Variants in BLTP1 observed in about 807,000 individuals in gnomAD.
The protein encoded by BLTP1 is fragile site-associated protein.
the BLTP1 span, among the ~76,000 whole-genome samples, chr4:122,181,019 G>T: frequency 1.3e-5 from 2 of 152,258 alleles, no homozygotes; most frequent in African/African-American, 4.8e-5. Flanking sequence ...TATTTATTCA[G>T]ATCCATATTC....
the BLTP1 span, among the ~76,000 whole-genome samples, chr4:122,340,040 A>C: frequency 4.6e-5 from 7 of 152,130 alleles, no homozygotes; most frequent in Non-Finnish European, 1.0e-4. Flanking sequence ...AATTTTATTG[A>C]ATACCTCTGA....
chr4:122,198,429 G>A, the BLTP1 span: 1 of 985,184 alleles, frequency 1.0e-6, no homozygotes, highest in African/African-American at 1.7e-5. Flanking sequence ...GCAGTTGAGA[G>A]TTTTACGCAA....
the BLTP1 span, chr4:122,196,575 T>G: frequency 7.3e-7 from 1 of 1,364,976 alleles, no homozygotes. Flanking sequence ...TTATGTTCCT[T>G]TATCAGAAGT....
chr4:122,216,047 G>GTA, the BLTP1 span, among the ~76,000 whole-genome samples: 40 of 151,562 alleles, frequency 2.6e-4, 2 homozygotes, highest in Admixed American at 2.6e-4. Context: ...GTATTCCATG[G>GTA]TATATATATG....
the BLTP1 span, chr4:122,333,901 A>G: frequency 6.9e-7 from 1 of 1,452,630 alleles, no homozygotes; most frequent in South Asian, 1.4e-5. Context: ...TCATTATATT[A>G]AAATGAGACT....
chr4:122,259,340 A>G, the BLTP1 span, among the ~76,000 whole-genome samples: 1 of 152,200 alleles, frequency 6.6e-6, no homozygotes, highest in Admixed American at 6.5e-5. Context: ...CTGACTGAAC[A>G]GGCTTTAACT....
chr4:122,186,039 C>G, the BLTP1 span: 1 of 1,570,926 alleles, frequency 6.4e-7, no homozygotes, highest in South Asian at 1.2e-5. Flanking sequence ...TCTTTAGATC[C>G]AAAGGCAGAA....
chr4:122,287,993 T>C, the BLTP1 span, among the ~76,000 whole-genome samples: 1 of 152,106 alleles, frequency 6.6e-6, no homozygotes, highest in African/African-American at 2.4e-5. Context: ...TATAAGTTTG[T>C]AACGAGGTGG....
the BLTP1 span, chr4:122,182,627 T>C: frequency 2.0e-6 from 2 of 985,182 alleles, no homozygotes; most frequent in African/African-American, 3.5e-5. Context: ...CATCTACCAT[T>C]CTGCTTCCTG....
At chr4:122,255,377 A>G in the BLTP1 span, 7 of 900,098 alleles carry the variant, frequency 7.8e-6, no homozygotes, top group Non-Finnish European at 1.2e-5. Context: ...GAGAATGGTT[A>G]GAAATACAAG....
chr4:122,353,837 A>G, the BLTP1 span: 1 of 1,611,598 alleles, frequency 6.2e-7, no homozygotes. This position sits in a 1 kb window ranked among gnomAD's most constrained non-coding sequence, Gnocchi z 4.3. Context: ...TTCTACATAT[A>G]TTGTACAAAC....
chr4:122,252,312 G>A, the BLTP1 span, among the ~76,000 whole-genome samples: 1 of 152,180 alleles, frequency 6.6e-6, no homozygotes, highest in South Asian at 2.1e-4. Context: ...TTAGATGCCA[G>A]CACAGCCACA....
chr4:122,175,840 C>T, the BLTP1 span: 15 of 1,544,964 alleles, frequency 9.7e-6, no homozygotes, highest in East Asian at 2.3e-5. Flanking sequence ...TTGTAATTTC[C>T]CTTTCTTAGG....
At chr4:122,336,943 A>G in the BLTP1 span, 5 of 1,612,460 alleles carry the variant, frequency 3.1e-6, no homozygotes, top group African/African-American at 1.3e-5. Flanking sequence ...GGAAGAATCA[A>G]CAACATCACT....
At chr4:122,175,058 T>G in the BLTP1 span, 1 of 946,252 alleles carries the variant, frequency 1.1e-6, no homozygotes, top group African/African-American at 1.8e-5. Context: ...ACTCTTAATT[T>G]TATTCAAAGA....
chr4:122,353,102 T>A, the BLTP1 span: 1 of 1,614,002 alleles, frequency 6.2e-7, no homozygotes, highest in Non-Finnish European at 8.5e-7. This position sits in a 1 kb window ranked among gnomAD's most constrained non-coding sequence, Gnocchi z 4.3. Flanking sequence ...CTTTTTCATT[T>A]AGAAGAACCA....
chr4:122,236,880 C>T, the BLTP1 span: 1 of 963,654 alleles, frequency 1.0e-6, no homozygotes, highest in Non-Finnish European at 1.2e-6. Flanking sequence ...GGAAATAACC[C>T]CTACATACGT....
chr4:122,153,461 ATAATG>A, the BLTP1 span, among the ~76,000 whole-genome samples: 2 of 152,320 alleles, frequency 1.3e-5, no homozygotes, highest in African/African-American at 2.4e-5. Flanking sequence ...AAACAATCCT[ATAATG>A]TAAAGTCTAC....
the BLTP1 span, among the ~76,000 whole-genome samples, chr4:122,198,873 A>G: frequency 4.7e-3 from 717 of 152,308 alleles, 13 homozygotes; most frequent in Non-Finnish European, 4.0e-3. Context: ...TAGTGTTCAT[A>G]GGAAGAGATT....
Sources: allele counts gnomAD v4.1 joint callset (sites outside exome capture counted in the v4.1 genomes callset), GRCh38; gene constraint gnomAD v4.1.1; non-coding constraint Gnocchi (gnomAD v3.1); transcripts MANE v1.5; gene names NCBI Gene and HGNC (gene_info 2026-07-23, HGNC 2026-07-21).